The following TARBP2 variants were observed in gnomAD, a reference collection of about 807,000 sequenced individuals.
TARBP2 encodes RISC-loading complex subunit TARBP2.
A neutral mutation model predicts 40.4 loss-of-function variants in TARBP2; 23 were observed. The ratio of observed to expected loss-of-function variants is 0.57; its 90% CI spans 0.41 to 0.81. TARBP2 has a LOEUF of 0.81. TARBP2 is among the 30% of genes least tolerant of loss of function. The probability of loss-of-function intolerance (pLI) is 0.00; values close to 1 mark genes in which losing one functional copy is unlikely to be tolerated. For missense variants in TARBP2, 358 were observed against 473.7 expected (o/e 0.76, Z 2.27); for synonymous variants, 183 against 190.5 (o/e 0.96, Z 0.32).
intron 2 of TARBP2, 152 bp downstream of exon 2, chr12:53,502,336 A>G (rs1943750965): frequency 2.8e-6 from 3 of 1,071,142 alleles, no homozygotes; most frequent in Non-Finnish European, 3.9e-6. Flanking sequence ...GATTGGGAGA[A>G]CAGGGCTGTA....
In TARBP2 at chr12:53,502,719, C is replaced by T. The variant is rs922735944; in HGVS notation, c.224-308C>T. 9 of 243,710 alleles carry T rather than the reference C, an allele frequency of 3.7e-5. No individual in the cohort carries two copies. The East Asian group carries it at 8.3e-4, about 22-fold the overall frequency. The allele number at this position is 243,710 out of a possible 1,614,324, so 15.1% of individuals were successfully genotyped here. A position where few individuals can be genotyped will look rare whatever the true frequency, so the allele number is the denominator to read the frequency against. ...CAGAGCCTACCCTCTCTTATTCCAGCTCTCTGTATTTATTGAGGGAAAAGA... is the reference window on the plus strand; with the variant it reads ...CAGAGCCTACCCTCTCTTATTCCAGTTCTCTGTATTTATTGAGGGAAAAGA... On this transcript the variant is annotated intron_variant, in intron 2 of 8. Coordinates refer to ENST00000266987, the MANE Select transcript of TARBP2 (RefSeq NM_134323.2).
intron 5 of TARBP2, 79 bp downstream of exon 5, chr12:53,504,548 G>C: frequency 6.2e-7 from 1 of 1,602,914 alleles, no homozygotes; most frequent in Non-Finnish European, 8.5e-7. Flanking sequence ...TGTGTGTTTG[G>C]GGGTGGGGGC....
Position 53,502,190 on chromosome 12 carries a change from GA to G in TARBP2, c.223+8del. The G allele has an allele frequency of 1.2e-6, 2 of 1,614,154 alleles. No individual in the cohort carries two copies. Among genetic ancestry groups the G allele is most frequent in the Non-Finnish European group, 1.7e-6 (2 of 1,180,018 alleles). ...TGGCGACACCAGCTGCACTGGTGAG[GA>G]AGGCTTGGGCAGCCTGGCTGGGGTG... On this transcript the variant is annotated splice_region_variant and intron_variant, in intron 2 of 8. Coordinates refer to ENST00000266987, the MANE Select transcript of TARBP2 (RefSeq NM_134323.2).
Position 53,503,724 on chromosome 12 carries a change from C to G in TARBP2, c.338C>G (p.Pro113Arg). The G allele has an allele frequency of 6.2e-7, 1 of 1,614,032 alleles. No homozygotes were observed. Among genetic ancestry groups the G allele is most frequent in the Non-Finnish European group, 8.5e-7 (1 of 1,179,880 alleles). ...PALEDSSSFS[P>R]LDSSLPEDIP... ...TTCCCCTCGGGAAGTTCTTTTTCTC[C>G]CCTAGACTCTTCACTGCCTGAGGAC... Residue 113 changes from proline (P) to arginine (R), a missense_variant, in exon 4 of 9, where the codon CCC becomes CGC. By Grantham distance (103) the Pro-to-Arg change is moderately radical. Around this residue, in one of 3 missense-constraint regions of TARBP2, gnomAD observed 317 missense variants for 422.9 expected, o/e 0.75. Transcript: ENST00000266987.
chr12:53,506,205 G>T lies in TARBP2; in HGVS notation c.*57G>T. The stretch of plus-strand genomic sequence containing the variant: ...TTGCTCCCTGCTCTTTCTGCCTCTG[G>T]GCTCATGTATCTGCGCAGCTCTGGT... On this transcript the variant is annotated 3_prime_UTR_variant, in exon 9 of 9. Transcript: ENST00000266987. The T allele has an allele frequency of 1.3e-6, 2 of 1,583,520 alleles. No individual in the cohort carries two copies. Among genetic ancestry groups the T allele is most frequent in the South Asian group, 2.3e-5 (2 of 87,832 alleles).
At position 53,504,749 on chromosome 12, in the gene TARBP2, G is replaced by T; in HGVS notation, c.547G>T (p.Glu183Ter). The T allele has an allele frequency of 1.9e-6, 3 of 1,614,132 alleles. No homozygotes were observed. Among genetic ancestry groups the T allele is most frequent in the Non-Finnish European group, 2.5e-6 (3 of 1,180,028 alleles). Residue 183 changes from glutamate (E) to a stop codon, truncating the protein, a stop_gained, in exon 6 of 9, where the codon GAG (glutamate) becomes TAG (stop). Transcript: ENST00000266987. LOFTEE classifies it high-confidence loss of function. The stretch of plus-strand genomic sequence containing the variant: ...GTTGCCGGAGTACACAGTGACCCAG[G>T]AGTCTGGGCCAGCCCACCGCAAAGA... ...WRLPEYTVTQ[E>*]SGPAHRKEFT...
At chr12:53,504,492 A>G (rs866972798) in intron 5 of TARBP2, 23 bp downstream of exon 5, 4 of 1,611,050 alleles carry the variant, frequency 2.5e-6, no homozygotes, top group Middle Eastern at 1.7e-4. Flanking sequence ...CTCATTTCCC[A>G]TGCATGCCTG....
Position 53,505,770 on chromosome 12 carries a change from G to A in TARBP2, c.863G>A (p.Gly288Asp). ...SLRSCSLGSL[G>D]ALGPACCRVL... ...CGCAGTTGCTCCCTGGGCTCCCTGG[G>A]TGCCCTGGGCCCTGCCTGCTGCCGT... is the stretch of plus-strand genomic sequence containing the variant. Residue 288 changes from glycine (G) to aspartate (D), a missense_variant, in exon 8 of 9, where the codon GGT becomes GAT. Transcript: ENST00000266987. The surrounding 1 kb of genome is among the most constrained non-coding windows in gnomAD (Gnocchi z 4.5). 3 of 1,613,906 alleles carry A rather than the reference G, an allele frequency of 1.9e-6. No homozygotes were observed. The highest frequency in any genetic ancestry group is 2.5e-6 in the Non-Finnish European group (3 of 1,179,872).
Position 53,505,872 on chromosome 12 carries a change from GC to G in TARBP2, c.943+24del. ...ATTGGTATGGCTAGCTGGGGAGCGAGCCAGGGGATGGTGGGGGCTGGACCGG... is the reference window on the plus strand; with the variant it reads ...ATTGGTATGGCTAGCTGGGGAGCGAGCAGGGGATGGTGGGGGCTGGACCGG... On this transcript the variant is annotated intron_variant, in intron 8 of 8. Coordinates refer to ENST00000266987, the MANE Select transcript of TARBP2 (RefSeq NM_134323.2). The surrounding 1 kb of genome is among the most constrained non-coding windows in gnomAD (Gnocchi z 4.5). 3 of 1,610,868 alleles carry G rather than the reference GC, an allele frequency of 1.9e-6. No homozygotes were observed. Among genetic ancestry groups the G allele is most frequent in the South Asian group, 2.2e-5 (2 of 91,060 alleles).
Position 53,503,803 on chromosome 12 carries a change from A to C in TARBP2, c.417A>C (p.Leu139=), listed in dbSNP as rs775926522. 1.9e-6 allele frequency: 3 copies of C among 1,613,924 alleles called. No individual in the cohort carries two copies. In the South Asian group the frequency reaches 3.3e-5, roughly 18 times the overall value. Residue 139 remains leucine, a synonymous_variant, in exon 4 of 9, where the codon CTA becomes CTC. Transcript: ENST00000266987. ...AAATPVPSVV[L]TRSPPMELQP... is the part of the protein sequence containing the mutation. ...CTACCCCAGTTCCATCTGTAGTCCT[A>C]ACCAGGTATCTGTGTCCCCTGACTG...
chr12:53,504,885 C>A, intron 6 of TARBP2, 70 bp downstream of exon 6: 1 of 1,570,010 alleles, frequency 6.4e-7, no homozygotes, highest in South Asian at 1.1e-5. Context: ...CAAAGCAGCT[C>A]CTGGCCTCAC....
intron 2 of TARBP2, 76 bp downstream of exon 2, chr12:53,502,260 C>T (rs148565992): frequency 0.012 from 18,398 of 1,528,624 alleles, 151 homozygotes; most frequent in Non-Finnish European, 0.015. Flanking sequence ...GAGTCTCTCT[C>T]TTCACAGTCC....
chr12:53,505,925 G>A lies in TARBP2; in HGVS notation c.944-66G>A, dbSNP rs758048255. 21 of 1,604,424 alleles carry A rather than the reference G, an allele frequency of 1.3e-5. No individual in the cohort carries two copies. The highest frequency in any genetic ancestry group is 9.0e-5 in the East Asian group (4 of 44,632). ...GCAAGTAGAAGGGGGTGATGATAAC[G>A]TGAACGCACCCCTCCCCAGGGCTAC... On this transcript the variant is annotated intron_variant, in intron 8 of 8. Coordinates refer to ENST00000266987, the MANE Select transcript of TARBP2 (RefSeq NM_134323.2). This position sits in a 1 kb window ranked among gnomAD's most constrained non-coding sequence, Gnocchi z 4.5.
At position 53,503,119 on chromosome 12, in the gene TARBP2, G is replaced by A; in HGVS notation, c.316G>A (p.Glu106Lys). Residue 106 changes from glutamate (E) to lysine (K), a missense_variant, in exon 3 of 9, where the codon GAG (glutamate) becomes AAG (lysine). Glu to Lys is a moderately conservative substitution (Grantham distance 56, BLOSUM62 1). Transcript: ENST00000266987. ...GGGGAGCATGCTGGAGCCGGCCCTG[G>A]AGGACAGCAGGTGAGGGAGGAACCG... The part of the protein sequence containing the change: ...KGGSMLEPAL[E>K]DSSSFSPLDS... 1 of 1,549,804 alleles carries A rather than the reference G, an allele frequency of 6.5e-7. No homozygotes were observed. The highest frequency in any genetic ancestry group is 8.7e-7 in the Non-Finnish European group (1 of 1,146,032).
chr12:53,505,578 A>T lies in TARBP2; in HGVS notation c.742-71A>T. ...ATTCTTTGTGCTTTGTTCTCCTTTG[A>T]CGTTGAATGTCTCAATGCCTGGGTC... On this transcript the variant is annotated intron_variant, in intron 7 of 8. Coordinates refer to ENST00000266987, the MANE Select transcript of TARBP2 (RefSeq NM_134323.2). This position sits in a 1 kb window ranked among gnomAD's most constrained non-coding sequence, Gnocchi z 4.5. The T allele has an allele frequency of 3.4e-6, 5 of 1,451,466 alleles. No homozygotes were observed. The South Asian group carries it at 5.8e-5, about 17-fold the overall frequency. 89.9% of individuals were successfully genotyped at this position (1,451,466 alleles called of 1,614,324 possible).
At chr12:53,501,631 C>A in intron 1 of TARBP2, 170 bp downstream of exon 1, 1 of 1,458,046 alleles carries the variant, frequency 6.9e-7, no homozygotes, top group Admixed American at 2.7e-5. Flanking sequence ...GCCTCCAGCT[C>A]TAAATAGTTT....
chr12:53,504,895 C>T, intron 6 of TARBP2, 80 bp downstream of exon 6: 1 of 1,537,848 alleles, frequency 6.5e-7, no homozygotes, highest in Non-Finnish European at 8.9e-7. Flanking sequence ...CCTGGCCTCA[C>T]TCTGCTACAC....
chr12:53,503,417 A>G, intron 3 of TARBP2: 1 of 610,928 alleles, frequency 1.6e-6, no homozygotes, highest in Non-Finnish European at 2.7e-6. Flanking sequence ...ACTCCCCAAC[A>G]TACCTCCTTG....
In TARBP2 at chr12:53,505,002, C is replaced by T. The variant is rs1159146855; in HGVS notation, c.614-133C>T. On this transcript the variant is annotated intron_variant, in intron 6 of 8. Transcript: ENST00000266987. The surrounding 1 kb of genome is among the most constrained non-coding windows in gnomAD (Gnocchi z 4.5). ...CCTTCTCTCTGGCTGACCAGGTTCTCACGTGCATGGGCAGGTCTTGAGTTC... is the reference window on the plus strand; with the variant it reads ...CCTTCTCTCTGGCTGACCAGGTTCTTACGTGCATGGGCAGGTCTTGAGTTC... 1.4e-5 allele frequency: 21 copies of T among 1,484,462 alleles called. No homozygotes were observed. The highest frequency in any genetic ancestry group is 1.9e-5 in the Non-Finnish European group (21 of 1,096,958). 92.0% of individuals were successfully genotyped at this position (1,484,462 alleles called of 1,614,324 possible). A position where few individuals can be genotyped will look rare whatever the true frequency, so the allele number is the denominator to read the frequency against.
Sources: allele counts gnomAD v4.1 joint callset, GRCh38; gene constraint gnomAD v4.1.1; regional missense constraint gnomAD v4.1.1; non-coding constraint Gnocchi (gnomAD v3.1); transcripts MANE v1.5; gene names NCBI Gene and HGNC (gene_info 2026-07-23, HGNC 2026-07-21).